The following FRMD4A variants were observed in gnomAD, a reference collection of about 807,000 sequenced individuals.
FRMD4A encodes the protein FERM domain containing 4A.
Under a neutral mutation model 129.1 loss-of-function variants are expected in FRMD4A, and 29 were observed. The observed-to-expected ratio is 0.22, with a 90% CI of 0.17 to 0.31. FRMD4A has a LOEUF of 0.31. Ranked by LOEUF, FRMD4A falls within the 10% of genes least tolerant of loss-of-function variation. FRMD4A has a pLI of 1.00. For synonymous variants in FRMD4A, 634 were observed against 571.6 expected, an observed-to-expected ratio of 1.11 and a Z score of -1.56; for missense variants, 1,272 against 1,375.8, an observed-to-expected ratio of 0.92 and a Z score of 1.19.
chr10:14,103,862 T>C (rs1394917250), intron 2 of FRMD4A, among the ~76,000 whole-genome samples: 1 of 152,172 alleles, frequency 6.6e-6, no homozygotes, highest in Non-Finnish European at 1.5e-5. Context: ...TTTTTTAAAC[T>C]CTAAATTTCA....
intron 12 of FRMD4A, among the ~76,000 whole-genome samples, chr10:13,721,360 T>C (rs2134976042): frequency 6.6e-6 from 1 of 152,174 alleles, no homozygotes; most frequent in Non-Finnish European, 1.5e-5. Context: ...CAGGCACCTG[T>C]AGTCCCGGCT....
intron 2 of FRMD4A, among the ~76,000 whole-genome samples, chr10:14,049,765 G>T (rs181565580): frequency 1.3e-5 from 2 of 152,306 alleles, no homozygotes; most frequent in African/African-American, 4.8e-5. Context: ...TGAGGCAGGA[G>T]AATCGCTTGA....
At chr10:13,954,641 A>G (rs113895271) in intron 2 of FRMD4A, among the ~76,000 whole-genome samples, 3 of 152,272 alleles carry the variant, frequency 2.0e-5, no homozygotes, top group African/African-American at 7.2e-5. Context: ...CAGCACCATC[A>G]GGGCCCTGCA....
chr10:14,242,866 C>T (rs1310608681), intron 2 of FRMD4A, among the ~76,000 whole-genome samples: 1 of 152,102 alleles, frequency 6.6e-6, no homozygotes, highest in African/African-American at 2.4e-5. Flanking sequence ...CAGTATGATC[C>T]CACAATTCCA....
intron 2 of FRMD4A, among the ~76,000 whole-genome samples, chr10:14,151,259 C>G (rs1389446169): frequency 6.6e-6 from 1 of 152,158 alleles, no homozygotes; most frequent in East Asian, 1.9e-4. Context: ...TGTAAGCAAC[C>G]TAAGGGTCCA....
chr10:13,950,505 T>C (rs2095363741), intron 2 of FRMD4A, among the ~76,000 whole-genome samples: 1 of 152,152 alleles, frequency 6.6e-6, no homozygotes, highest in Non-Finnish European at 1.5e-5. Flanking sequence ...AGACATGATG[T>C]AAATAATTGT....
chr10:14,042,666 A>G (rs1833823970), intron 2 of FRMD4A, among the ~76,000 whole-genome samples: 1 of 152,122 alleles, frequency 6.6e-6, no homozygotes, highest in South Asian at 2.1e-4. Flanking sequence ...TTAGATAAGA[A>G]ATTTATTTGA....
At chr10:14,238,645 A>G (rs1843918610) in intron 2 of FRMD4A, among the ~76,000 whole-genome samples, 1 of 152,076 alleles carries the variant, frequency 6.6e-6, no homozygotes, top group African/African-American at 2.4e-5. Flanking sequence ...TTAAGCCCCA[A>G]GTGCATTAGG....
chr10:13,666,075 G>A, intron 18 of FRMD4A, 22 bp downstream of exon 18: 1 of 1,476,544 alleles, frequency 6.8e-7, no homozygotes, highest in Middle Eastern at 1.7e-4. Flanking sequence ...AGTGGGGTGG[G>A]GGCAGCCCGG....
At chr10:13,998,254 C>G (rs755885878) in intron 2 of FRMD4A, among the ~76,000 whole-genome samples, 1 of 152,204 alleles carries the variant, frequency 6.6e-6, no homozygotes, top group African/African-American at 2.4e-5. Flanking sequence ...TATCAACTCT[C>G]TAGGGGAATA....
chr10:14,157,891 T>C (rs1369475006), intron 2 of FRMD4A, among the ~76,000 whole-genome samples: 1 of 152,114 alleles, frequency 6.6e-6, no homozygotes, highest in East Asian at 1.9e-4. Context: ...AGGAAAGGAT[T>C]CATAGAAAAA....
intron 2 of FRMD4A, among the ~76,000 whole-genome samples, chr10:14,238,882 C>T (rs1010935362): frequency 5.3e-5 from 8 of 152,282 alleles, no homozygotes; most frequent in South Asian, 2.1e-4. Context: ...TTTATGGCTG[C>T]ATAGTATTCC....
rs1842253249 is a variant in FRMD4A at position 14,189,517 on chromosome 10, T to C, written c.45+140541A>G. Among the ~76,000 whole-genome samples, 4 of 152,064 alleles carry C rather than the reference T, an allele frequency of 2.6e-5. No homozygotes were observed. In the South Asian group the frequency reaches 8.3e-4, roughly 32 times the overall value. On this transcript the variant is annotated intron_variant, in intron 2 of 24. Transcript: ENST00000357447. ...AGAACCTGGGAGGCGGAGGTTGCAG[T>C]GAGCTGAGATTGCACCATTGCACTC... is the stretch of plus-strand genomic sequence containing the variant.
chr10:13,972,993 G>T (rs2095526383), intron 2 of FRMD4A, among the ~76,000 whole-genome samples: 1 of 152,186 alleles, frequency 6.6e-6, no homozygotes, highest in South Asian at 2.1e-4. Flanking sequence ...TAATCTACTG[G>T]AGCGTCCTGG....
chr10:13,946,558 G>A (rs892318669), intron 2 of FRMD4A, among the ~76,000 whole-genome samples: 6 of 151,974 alleles, frequency 3.9e-5, no homozygotes, highest in Non-Finnish European at 7.4e-5. Context: ...TGTAGACTCG[G>A]CCACCAACTC....
chr10:13,815,411 G>C (rs563200823), intron 3 of FRMD4A, among the ~76,000 whole-genome samples: 24 of 152,246 alleles, frequency 1.6e-4, no homozygotes, highest in African/African-American at 4.8e-4. Flanking sequence ...GGCAGATGGG[G>C]GGTTATTGCT....
chr10:14,127,971 TTTCTTTCC>T (rs1340155663), intron 2 of FRMD4A, among the ~76,000 whole-genome samples: 1,247 of 25,320 alleles, frequency 0.049, 79 homozygotes, highest in African/African-American at 0.084. Context: ...TCTTTCTTTC[TTTCTTTCC>T]TTCTCTCTCT....
chr10:14,192,988 G>C (rs1007344836), intron 2 of FRMD4A, among the ~76,000 whole-genome samples: 1 of 152,226 alleles, frequency 6.6e-6, no homozygotes, highest in Non-Finnish European at 1.5e-5. Flanking sequence ...GTAACAGCGT[G>C]TATTTGCTGA....
rs557000670 is a variant in FRMD4A at position 13,765,281 on chromosome 10, A to AT, written c.385-2602dup. On this transcript the variant is annotated intron_variant, in intron 6 of 24. Coordinates refer to ENST00000357447, the MANE Select transcript of FRMD4A (RefSeq NM_018027.5). The stretch of plus-strand genomic sequence containing the variant: ...AGGCGCCCACCACCACGCCTGGCTA[A>AT]TTTTTTTGCATTTTTAGTAGAGATG... 7.7e-3 allele frequency among the ~76,000 whole-genome samples: 1,174 copies of AT among 151,542 alleles called. 8 individuals are homozygous for AT. Among genetic ancestry groups the AT allele is most frequent in the Non-Finnish European group, 0.015 (1,003 of 67,860 alleles).
Sources: allele counts gnomAD v4.1 joint callset (sites outside exome capture counted in the v4.1 genomes callset), GRCh38; gene constraint gnomAD v4.1.1; transcripts MANE v1.5; gene names NCBI Gene and HGNC (gene_info 2026-07-23, HGNC 2026-07-21).